CCDC85A: variants seen among roughly 807,000 people sequenced by gnomAD.
The protein encoded by CCDC85A is coiled-coil domain-containing protein 85A.
Under a neutral mutation model 50.2 loss-of-function variants are expected in CCDC85A, and 38 were observed. The ratio of observed to expected loss-of-function variants is 0.76; its 90% CI spans 0.58 to 0.99. The LOEUF (loss-of-function observed/expected upper bound fraction) is 0.99. CCDC85A is among the 50% of genes least tolerant of loss of function. The probability of loss-of-function intolerance (pLI) is 0.00; values close to 1 mark genes in which losing one functional copy is unlikely to be tolerated. For synonymous variants in CCDC85A, 366 were observed against 301.4 expected (o/e 1.21, Z -2.22); for missense variants, 820 against 742.0 (o/e 1.11, Z -1.22).
chr2:56,197,120 A>G (rs1050875612), intron 2 of CCDC85A, among the ~76,000 whole-genome samples: 1 of 152,088 alleles, frequency 6.6e-6, no homozygotes, highest in African/African-American at 2.4e-5. Flanking sequence ...AAAGCTTCCT[A>G]TTGATTCTTT....
At chr2:56,318,229 A>G (rs534055785) in intron 2 of CCDC85A, among the ~76,000 whole-genome samples, 19 of 152,128 alleles carry the variant, frequency 1.2e-4, no homozygotes, top group African/African-American at 4.3e-4. Context: ...CTGTCCTTCC[A>G]TCGATGGCCT....
At chr2:56,380,086 A>G (rs1001055065) in intron 5 of CCDC85A, among the ~76,000 whole-genome samples, 9 of 152,192 alleles carry the variant, frequency 5.9e-5, no homozygotes, top group Non-Finnish European at 1.3e-4. Flanking sequence ...AGAAGACTCT[A>G]CAAACATTTG....
intron 2 of CCDC85A, among the ~76,000 whole-genome samples, chr2:56,221,213 G>A (rs910002138): frequency 6.6e-6 from 1 of 151,964 alleles, no homozygotes; most frequent in African/African-American, 2.4e-5. Flanking sequence ...TGTGTACAAG[G>A]TTCTCTTGGA....
chr2:56,337,935 C>T (rs1674158797), intron 2 of CCDC85A, among the ~76,000 whole-genome samples: 1 of 152,016 alleles, frequency 6.6e-6, no homozygotes, highest in Non-Finnish European at 1.5e-5. Flanking sequence ...CAGGCAGCTG[C>T]CACCATGCCC....
intron 2 of CCDC85A, among the ~76,000 whole-genome samples, chr2:56,218,188 A>G (rs1419942534): frequency 1.3e-5 from 2 of 151,972 alleles, no homozygotes; most frequent in African/African-American, 4.8e-5. Context: ...GACTGCAGAT[A>G]AACAGTGCTA....
chr2:56,220,276 A>G (rs923399596), intron 2 of CCDC85A, among the ~76,000 whole-genome samples: 1 of 151,952 alleles, frequency 6.6e-6, no homozygotes, highest in Non-Finnish European at 1.5e-5. Flanking sequence ...CCAGTGCACT[A>G]TTATATTCTT....
chr2:56,300,435 T>G (rs1014396534), intron 2 of CCDC85A, among the ~76,000 whole-genome samples: 2 of 152,178 alleles, frequency 1.3e-5, no homozygotes. Context: ...TGTTGGTGAG[T>G]TGACAATCCT....
intron 5 of CCDC85A, among the ~76,000 whole-genome samples, chr2:56,376,397 C>G (rs886973779): frequency 3.9e-5 from 6 of 152,146 alleles, no homozygotes; most frequent in African/African-American, 1.2e-4. Context: ...AAAACCTACT[C>G]TTTCCTCTTC....
chr2:56,379,825 G>T lies in CCDC85A; in HGVS notation c.1572+3890G>T. The stretch of plus-strand genomic sequence containing the variant: ...ACATGACCTTAGTGAGACAGAAAAA[G>T]CTATAGTCAGAGAAATGTGCAATGT... On this transcript the variant is annotated intron_variant, in intron 5 of 5. Transcript: ENST00000407595. 3.1e-6 allele frequency: 3 copies of T among 982,620 alleles called. No homozygotes were observed. The South Asian group carries it at 1.4e-4, about 46-fold the overall frequency. 60.9% of individuals were successfully genotyped at this position (982,620 alleles called of 1,614,324 possible).
chr2:56,232,409 A>T (rs958436313), intron 2 of CCDC85A, among the ~76,000 whole-genome samples: 3 of 152,182 alleles, frequency 2.0e-5, no homozygotes, highest in Non-Finnish European at 4.4e-5. Flanking sequence ...TCCCCACACA[A>T]ATCTCACCTT....
At chr2:56,299,933 A>G (rs1672124749) in intron 2 of CCDC85A, among the ~76,000 whole-genome samples, 1 of 152,176 alleles carries the variant, frequency 6.6e-6, no homozygotes, top group South Asian at 2.1e-4. Context: ...GCAGCTGTGC[A>G]GGTAACATGA....
Position 56,184,449 on chromosome 2 carries a change from G to A in CCDC85A, c.-176G>A. The A allele has an allele frequency of 1.5e-6, 1 of 668,508 alleles. No homozygotes were observed. The highest frequency in any genetic ancestry group is 3.9e-5 in the East Asian group (1 of 25,600). 41.4% of individuals were successfully genotyped at this position (668,508 alleles called of 1,614,324 possible). The stretch of plus-strand genomic sequence containing the variant: ...GCGCGGGCGCGCGCGCGGGGATGGC[G>A]AGGTAGGATGGCCACCCAGCGCGAC... On this transcript the variant is annotated 5_prime_UTR_variant, in exon 1 of 6. Transcript: ENST00000407595.
Position 56,193,384 on chromosome 2 carries a change from G to A in CCDC85A, c.1184G>A (p.Arg395Gln). The change falls in exon 2 of 6, where the codon CGG becomes CAG. Residue 395 changes from arginine (R) to glutamine (Q), a missense_variant. By Grantham distance (43) the Arg-to-Gln change is conservative. Transcript: ENST00000407595. Reference protein sequence around the residue: ...GGGSREGTLRRQAQEDGSPHH... With the variant: ...GGGSREGTLRQQAQEDGSPHH... ...GGCAGCAGGGAGGGCACCCTCAGAC[G>A]GCAGGCACAGGAGGACGGGTCACCC... The A allele has an allele frequency of 6.2e-7, 1 of 1,611,358 alleles. No individual in the cohort carries two copies. Among genetic ancestry groups the A allele is most frequent in the Non-Finnish European group, 8.5e-7 (1 of 1,178,762 alleles).
Position 56,352,807 on chromosome 2 carries a change from T to C in CCDC85A, c.1317+9852T>C, listed in dbSNP as rs575546825. On this transcript the variant is annotated intron_variant, in intron 3 of 5. Coordinates refer to ENST00000407595, the MANE Select transcript of CCDC85A (RefSeq NM_001080433.2). ...CTAGAAATAACACCAAATAGGGGTTTCAAGAACTAGTTCTTTGCCTGGCTC... is the reference window on the plus strand; with the variant it reads ...CTAGAAATAACACCAAATAGGGGTTCCAAGAACTAGTTCTTTGCCTGGCTC... Among the ~76,000 whole-genome samples the C allele has an allele frequency of 2.9e-3, 441 of 152,310 alleles. 9 individuals carry two copies. Among genetic ancestry groups the C allele is most frequent in the Non-Finnish European group, 3.5e-3 (239 of 68,028 alleles).
intron 2 of CCDC85A, among the ~76,000 whole-genome samples, chr2:56,255,409 C>T (rs901808487): frequency 2.0e-4 from 30 of 152,008 alleles, no homozygotes; most frequent in Admixed American, 2.6e-4. Context: ...AATTAAGGAA[C>T]CATTCACAAG....
intron 1 of CCDC85A, among the ~76,000 whole-genome samples, chr2:56,187,191 A>AT (rs148731846): frequency 0.036 from 5,469 of 151,734 alleles, 308 homozygotes; most frequent in African/African-American, 0.12. Flanking sequence ...GAAAAGAAGT[A>AT]TTTTTTTTTG....
chr2:56,251,869 T>A (rs1669773487), intron 2 of CCDC85A, among the ~76,000 whole-genome samples: 1 of 151,744 alleles, frequency 6.6e-6, no homozygotes, highest in Non-Finnish European at 1.5e-5. Context: ...GGAGAGAAGG[T>A]GGCTGATTTC....
chr2:56,285,287 A>G, intron 2 of CCDC85A, among the ~76,000 whole-genome samples: 1 of 151,112 alleles, frequency 6.6e-6, no homozygotes, highest in Non-Finnish European at 1.5e-5. Context: ...TGTTTTTCAT[A>G]GAGATGGGGT....
intron 2 of CCDC85A, among the ~76,000 whole-genome samples, chr2:56,341,460 A>C (rs992095175): frequency 2.0e-5 from 3 of 152,202 alleles, no homozygotes; most frequent in African/African-American, 7.2e-5. Context: ...CTAATGTAAC[A>C]GAAGTGTGCT....
Sources: gnomAD v4.1 joint callset for allele counts (sites outside exome capture counted in the v4.1 genomes callset) on GRCh38, gnomAD v4.1.1 for gene constraint, MANE v1.5 for transcripts, NCBI Gene and HGNC (gene_info 2026-07-23, HGNC 2026-07-21) for gene names.